Variants in NELL2 observed in about 807,000 individuals in gnomAD.
The protein encoded by NELL2 is neural EGFL like 2.
A neutral mutation model predicts 109.6 loss-of-function variants in NELL2; 41 were observed. The ratio of observed to expected loss-of-function variants is 0.37; its 90% CI spans 0.29 to 0.49. The LOEUF is 0.49. NELL2 is among the 20% of genes least tolerant of loss of function. The pLI, the probability that NELL2 is intolerant of heterozygous loss-of-function variation, is 0.98. For synonymous variants in NELL2, 355 were observed against 344.7 expected (o/e 1.03, Z -0.33); for missense variants, 900 against 1,008.3 (o/e 0.89, Z 1.45).
intron 3 of NELL2, among the ~76,000 whole-genome samples, chr12:44,787,120 T>C (rs1262582150): frequency 6.6e-6 from 1 of 152,142 alleles, no homozygotes; most frequent in East Asian, 1.9e-4. Context: ...ATTATATTTC[T>C]ACAAGCTAGC....
chr12:44,570,095 T>C (rs937640579), intron 15 of NELL2, among the ~76,000 whole-genome samples: 2 of 152,206 alleles, frequency 1.3e-5, no homozygotes, highest in Non-Finnish European at 2.9e-5. Context: ...AAAACCAATT[T>C]AGTTTCATTA....
Position 44,829,238 on chromosome 12 carries a change from AGAT to A in NELL2, c.185-13105_185-13103del, listed in dbSNP as rs142817219. Among the ~76,000 whole-genome samples the A allele has an allele frequency of 6.7e-3, 1,014 of 152,230 alleles. 6 individuals are homozygous for A. Among genetic ancestry groups the A allele is most frequent in the Middle Eastern group, 0.01 (3 of 294 alleles). On this transcript the variant is annotated intron_variant, in intron 2 of 19. Transcript: ENST00000429094. ...TGATAAGTGATGTTGATGAAGATGA[AGAT>A]GATGATGATGATGTCATTCACAACT...
At chr12:44,750,056 A>G (rs1237104764) in intron 9 of NELL2, among the ~76,000 whole-genome samples, 1 of 152,174 alleles carries the variant, frequency 6.6e-6, no homozygotes, top group Non-Finnish European at 1.5e-5. Flanking sequence ...AAGAGAGAGT[A>G]TATACACCAA....
chr12:44,779,793 G>A, intron 4 of NELL2, 34 bp from the exon 5 acceptor site: 5 of 1,613,182 alleles, frequency 3.1e-6, no homozygotes, highest in Non-Finnish European at 3.4e-6. Flanking sequence ...AGGAACGTGA[G>A]TAGACAGTCA....
intron 12 of NELL2, among the ~76,000 whole-genome samples, chr12:44,699,375 C>T (rs1566189070): frequency 2.0e-5 from 3 of 151,948 alleles, no homozygotes; most frequent in Admixed American, 6.6e-5. Context: ...TTATAAAATC[C>T]TAATATTATA....
intron 9 of NELL2, among the ~76,000 whole-genome samples, chr12:44,759,458 G>A (rs772121216): frequency 6.6e-6 from 1 of 152,144 alleles, no homozygotes; most frequent in Admixed American, 6.5e-5. Flanking sequence ...GTTGAAAGAT[G>A]ACATGGAAAG....
At chr12:44,595,289 G>A (rs1944912422) in intron 15 of NELL2, among the ~76,000 whole-genome samples, 1 of 152,134 alleles carries the variant, frequency 6.6e-6, no homozygotes, top group African/African-American at 2.4e-5. Context: ...AAAATATGAA[G>A]AAAAAACATC....
At chr12:44,863,147 AT>A (rs1489504294) in intron 2 of NELL2, among the ~76,000 whole-genome samples, 1 of 147,612 alleles carries the variant, frequency 6.8e-6, no homozygotes, top group African/African-American at 2.5e-5. Context: ...CCCTGTGTCC[AT>A]GTGTTCTTAT....
chr12:44,756,496 A>T (rs936352405), intron 9 of NELL2, among the ~76,000 whole-genome samples: 3 of 152,030 alleles, frequency 2.0e-5, no homozygotes, highest in South Asian at 4.1e-4. Context: ...TGCAAAAAGC[A>T]TCACCCCTTC....
rs141745215 is a variant in NELL2, at chr12:44,712,264, C to A, written c.1087-870G>T. Reference sequence around the variant, plus strand: ...GTAGATTGAATTTCTGCAAGGAATGCTTTCATAGAAGAAGTGCACATTTCA... The same window carrying A: ...GTAGATTGAATTTCTGCAAGGAATGATTTCATAGAAGAAGTGCACATTTCA... On this transcript the variant is annotated intron_variant, in intron 10 of 19. Transcript: ENST00000429094. Among the ~76,000 whole-genome samples the A allele has an allele frequency of 1.1e-3, 167 of 152,146 alleles. 1 individual carries two copies. Among genetic ancestry groups the A allele is most frequent in the South Asian group, 9.7e-3 (47 of 4,824 alleles).
chr12:44,700,281 G>A (rs1456771361), intron 12 of NELL2, among the ~76,000 whole-genome samples: 1 of 152,096 alleles, frequency 6.6e-6, no homozygotes, highest in Non-Finnish European at 1.5e-5. Context: ...TTCGTCCATT[G>A]GTTTCCCTGC....
chr12:44,829,659 G>A (rs539348587), intron 2 of NELL2, among the ~76,000 whole-genome samples: 6 of 152,198 alleles, frequency 3.9e-5, no homozygotes, highest in South Asian at 2.1e-4. Flanking sequence ...CTGCACCTTC[G>A]TATACTGACA....
At chr12:44,728,753 AC>A (rs1345888966) in intron 9 of NELL2, among the ~76,000 whole-genome samples, 1 of 152,202 alleles carries the variant, frequency 6.6e-6, no homozygotes, top group East Asian at 1.9e-4. Context: ...CTAATCATGT[AC>A]AAGGGAACTG....
intron 15 of NELL2, among the ~76,000 whole-genome samples, chr12:44,563,014 C>G (rs1295544072): frequency 6.6e-6 from 1 of 152,088 alleles, no homozygotes; most frequent in East Asian, 1.9e-4. Context: ...CTGTCCTTTG[C>G]AGGGACATGG....
intron 9 of NELL2, among the ~76,000 whole-genome samples, chr12:44,755,309 C>A (rs562794769): frequency 2.6e-5 from 4 of 152,104 alleles, no homozygotes; most frequent in Non-Finnish European, 5.9e-5. Flanking sequence ...CTTTTCTACC[C>A]CCACAAAAAA....
intron 12 of NELL2, among the ~76,000 whole-genome samples, chr12:44,675,108 C>G (rs1948262214): frequency 6.6e-6 from 1 of 152,190 alleles, no homozygotes; most frequent in Non-Finnish European, 1.5e-5. Flanking sequence ...TCTGAGCACA[C>G]TGCCTGGGCA....
intron 9 of NELL2, among the ~76,000 whole-genome samples, chr12:44,742,921 C>T (rs147691426): frequency 3.9e-5 from 6 of 152,212 alleles, no homozygotes; most frequent in African/African-American, 9.6e-5. Context: ...GCAAGGCAGA[C>T]CAACATTCAG....
intron 1 of NELL2, among the ~76,000 whole-genome samples, chr12:44,886,375 T>G (rs1046548906): frequency 6.6e-6 from 1 of 151,882 alleles, no homozygotes; most frequent in African/African-American, 2.4e-5. Context: ...TTTTGAAAGA[T>G]ACCATCAAGA....
chr12:44,645,185 T>C (rs1204892295), intron 13 of NELL2, among the ~76,000 whole-genome samples: 1 of 151,726 alleles, frequency 6.6e-6, no homozygotes, highest in Non-Finnish European at 1.5e-5. Flanking sequence ...ATGAGACAAG[T>C]TAGGAGAGGG....
Sources: allele counts gnomAD v4.1 joint callset (sites outside exome capture counted in the v4.1 genomes callset), GRCh38; gene constraint gnomAD v4.1.1; transcripts MANE v1.5; gene names NCBI Gene and HGNC (gene_info 2026-07-23, HGNC 2026-07-21).